Variants in SLC38A10 observed in about 807,000 individuals in gnomAD.
The protein encoded by SLC38A10 is Sodium-coupled neutral amino acid transporter 10.
In SLC38A10, 53 loss-of-function variants were observed where a neutral mutation model predicts 81.0. The observed-to-expected ratio is 0.65, with a 90% CI of 0.53 to 0.82. SLC38A10 has a LOEUF of 0.82. SLC38A10 is among the 40% of genes least tolerant of loss of function. The pLI is 0.00. For synonymous variants in SLC38A10, 665 were observed against 655.3 expected (o/e 1.01, Z -0.23); for missense variants, 1,471 against 1,545.0 (o/e 0.95, Z 0.80).
At position 81,295,056 on chromosome 17, in the gene SLC38A10, G is replaced by A. The variant is rs2063337932; in HGVS notation, c.-135C>T. On this transcript the variant is annotated 5_prime_UTR_variant, in exon 1 of 16. Coordinates refer to ENST00000374759, the MANE Select transcript of SLC38A10 (RefSeq NM_001037984.3). ...CCGGTGGGGAGGGGATGGGCAGCCT[G>A]AACACGGGAGCCTGAGCAGGCGCGG... 7.6e-7 allele frequency: 1 copy of A among 1,321,802 alleles called. No homozygotes were observed. Among genetic ancestry groups the A allele is most frequent in the East Asian group, 3.3e-5 (1 of 30,580 alleles). The allele number at this position is 1,321,802 out of a possible 1,614,324, so 81.9% of individuals were successfully genotyped here.
At chr17:81,258,738 G>A (rs1484665676) in intron 11 of SLC38A10, among the ~76,000 whole-genome samples, 2 of 152,144 alleles carry the variant, frequency 1.3e-5, no homozygotes, top group Non-Finnish European at 2.9e-5. Context: ...AGGCAGGACC[G>A]AGCCTGGGGC....
chr17:81,294,672 C>T, intron 1 of SLC38A10, 151 bp downstream of exon 1: 4 of 575,554 alleles, frequency 6.9e-6, no homozygotes, highest in Non-Finnish European at 5.7e-6. Context: ...ACGGGAACTG[C>T]GCCGGGACCC....
chr17:81,285,046 CA>C (rs2146951230), intron 2 of SLC38A10, 151 bp from the exon 3 acceptor site: 2 of 568,012 alleles, frequency 3.5e-6, no homozygotes, highest in East Asian at 6.8e-5. Flanking sequence ...TTCTGGCTGC[CA>C]GGTTATTTTT....
At chr17:81,285,123 G>A (rs915330603) in intron 2 of SLC38A10, 1 of 426,116 alleles carries the variant, frequency 2.3e-6, no homozygotes, top group Non-Finnish European at 4.2e-6. Flanking sequence ...CAGGAGGCAG[G>A]TTCTTCTTTC....
chr17:81,251,014 G>A (rs1331439759), intron 14 of SLC38A10: 2 of 1,409,246 alleles, frequency 1.4e-6, no homozygotes, highest in African/African-American at 2.9e-5. Context: ...TCTGGGCCAG[G>A]GCTATGCTAG....
At chr17:81,293,022 G>A (rs911219155) in intron 1 of SLC38A10, among the ~76,000 whole-genome samples, 3 of 152,212 alleles carry the variant, frequency 2.0e-5, no homozygotes, top group African/African-American at 7.2e-5. Flanking sequence ...AAATTAGCCG[G>A]CGTGGTGGCA....
chr17:81,248,464 C>T (rs2062874681), intron 14 of SLC38A10, among the ~76,000 whole-genome samples: 1 of 152,264 alleles, frequency 6.6e-6, no homozygotes, highest in Admixed American at 6.5e-5. Flanking sequence ...CTGGCACACA[C>T]TTGGTGCAGG....
At chr17:81,274,379 C>T (rs1375006776) in intron 8 of SLC38A10, among the ~76,000 whole-genome samples, 2 of 152,258 alleles carry the variant, frequency 1.3e-5, no homozygotes, top group Non-Finnish European at 2.9e-5. Flanking sequence ...CCAATGCTAT[C>T]GTTCCCAAGG....
chr17:81,293,723 T>C (rs2063327531), intron 1 of SLC38A10, among the ~76,000 whole-genome samples: 1 of 152,206 alleles, frequency 6.6e-6, no homozygotes, highest in Admixed American at 6.5e-5. Flanking sequence ...CCAAAGATAA[T>C]GAATATGAAA....
chr17:81,254,572 T>C (rs1224454880), intron 11 of SLC38A10, among the ~76,000 whole-genome samples: 4 of 152,232 alleles, frequency 2.6e-5, no homozygotes, highest in African/African-American at 9.6e-5. Flanking sequence ...CTCAGCCTCC[T>C]GTAGCTGGAA....
At chr17:81,248,167 C>A (rs2062872182) in intron 14 of SLC38A10, among the ~76,000 whole-genome samples, 1 of 152,080 alleles carries the variant, frequency 6.6e-6, no homozygotes, top group African/African-American at 2.4e-5. Flanking sequence ...CCGTGTTAGC[C>A]AGGATGGTCT....
intron 14 of SLC38A10, among the ~76,000 whole-genome samples, chr17:81,247,973 T>C (rs1333129201): frequency 1.4e-5 from 2 of 141,904 alleles, no homozygotes; most frequent in African/African-American, 5.2e-5. Context: ...TTTTTTTTTT[T>C]TGAGACGGGA....
At chr17:81,290,688 C>T (rs2063303322) in intron 1 of SLC38A10, among the ~76,000 whole-genome samples, 1 of 152,154 alleles carries the variant, frequency 6.6e-6, no homozygotes, top group Non-Finnish European at 1.5e-5. Flanking sequence ...GGTGGTTACA[C>T]AGCAAGCCCA....
chr17:81,259,500 G>A (rs1254176280), intron 11 of SLC38A10, among the ~76,000 whole-genome samples: 1 of 152,220 alleles, frequency 6.6e-6, no homozygotes, highest in African/African-American at 2.4e-5. Flanking sequence ...TGGGAGGGCT[G>A]GCCTGGGGAG....
intron 1 of SLC38A10, among the ~76,000 whole-genome samples, chr17:81,294,613 CA>C (rs2063333630): frequency 1.3e-5 from 2 of 152,232 alleles, no homozygotes; most frequent in South Asian, 4.1e-4. Flanking sequence ...CCCGGGCTGA[CA>C]AGGGCTGCCA....
At chr17:81,250,347 G>A (rs2062898880) in intron 14 of SLC38A10, among the ~76,000 whole-genome samples, 1 of 152,262 alleles carries the variant, frequency 6.6e-6, no homozygotes, top group Non-Finnish European at 1.5e-5. Flanking sequence ...TGCAAGGAGG[G>A]CGAGCTGCAC....
chr17:81,277,598 G>A lies in SLC38A10; in HGVS notation c.627-465C>T, dbSNP rs911771184. Among the ~76,000 whole-genome samples, 10 of 152,232 alleles carry A rather than the reference G, an allele frequency of 6.6e-5. No individual in the cohort carries two copies. Among genetic ancestry groups the A allele is most frequent in the Non-Finnish European group, 1.0e-4 (7 of 68,040 alleles). On this transcript the variant is annotated intron_variant, in intron 6 of 15. Coordinates refer to ENST00000374759, the MANE Select transcript of SLC38A10 (RefSeq NM_001037984.3). The surrounding 1 kb of genome is among the most constrained non-coding windows in gnomAD (Gnocchi z 4.5). The stretch of plus-strand genomic sequence containing the variant: ...TCAGAGTCGGCACAGACAAGGAGGC[G>A]GCCTGGGGCGCGATTCCCCACTGCA...
chr17:81,290,116 C>G (rs900508440), intron 1 of SLC38A10, among the ~76,000 whole-genome samples: 2 of 152,332 alleles, frequency 1.3e-5, no homozygotes, highest in South Asian at 4.1e-4. Flanking sequence ...TGCACACACC[C>G]TACATGCACC....
intron 3 of SLC38A10, 42 bp downstream of exon 3, chr17:81,284,808 T>TGCGGGGGTGGGGGGCAAGC: frequency 7.5e-7 from 1 of 1,341,726 alleles, no homozygotes; most frequent in Non-Finnish European, 9.9e-7. Context: ...AGTGTCTGGG[T>TGCGGGGGTGGGGGGCAAGC]GCGGGGGTGG....
Sources: gnomAD v4.1 joint callset for allele counts (sites outside exome capture counted in the v4.1 genomes callset) on GRCh38, gnomAD v4.1.1 for gene constraint, Gnocchi (gnomAD v3.1) non-coding constraint, MANE v1.5 for transcripts, NCBI Gene and HGNC (gene_info 2026-07-23, HGNC 2026-07-21) for gene names.